TBCK: variants seen among roughly 807,000 people sequenced by gnomAD.
The protein encoded by TBCK is TBC domain-containing protein kinase-like protein.
TBCK carries 99 observed loss-of-function variants against 113.4 expected under a neutral mutation model. The ratio of observed to expected loss-of-function variants is 0.87; its 90% CI spans 0.74 to 1.03. The LOEUF (loss-of-function observed/expected upper bound fraction) is 1.03, where lower values mean the gene tolerates loss of function less well. TBCK is among the 50% of genes least tolerant of loss of function. The pLI is 0.00. For synonymous variants in TBCK, 369 were observed against 370.8 expected (o/e 1.00, Z 0.05); for missense variants, 1,045 against 1,061.3 (o/e 0.98, Z 0.21).
At chr4:106,278,558 CAAAAAA>C (rs376599844) in intron 3 of TBCK, among the ~76,000 whole-genome samples, 1 of 22,136 alleles carries the variant, frequency 4.5e-5, no homozygotes. Flanking sequence ...AACTCTGTCT[CAAAAAA>C]AAAAAAAAAA....
intron 23 of TBCK, among the ~76,000 whole-genome samples, chr4:106,153,024 G>C (rs1748688180): frequency 6.6e-6 from 1 of 151,738 alleles, no homozygotes; most frequent in South Asian, 2.1e-4. Flanking sequence ...CCAACTCTTT[G>C]TTTCATTGAT....
chr4:106,268,995 C>T (rs1385725944), intron 3 of TBCK, among the ~76,000 whole-genome samples: 1 of 152,100 alleles, frequency 6.6e-6, no homozygotes, highest in Non-Finnish European at 1.5e-5. Context: ...TGTCAGCTAA[C>T]CAAGGGAGGA....
intron 3 of TBCK, among the ~76,000 whole-genome samples, chr4:106,278,703 A>G (rs1692977178): frequency 6.6e-6 from 1 of 152,020 alleles, no homozygotes; most frequent in Non-Finnish European, 1.5e-5. Context: ...AATGTATAAT[A>G]TATGTAAAAG....
At chr4:106,195,252 A>G (rs887055614) in intron 20 of TBCK, among the ~76,000 whole-genome samples, 1 of 152,108 alleles carries the variant, frequency 6.6e-6, no homozygotes, top group African/African-American at 2.4e-5. Context: ...ATATAATGAT[A>G]CTATCCACAT....
At chr4:106,163,350 CCA>C (rs1417790068) in intron 23 of TBCK, 1 of 152,226 alleles carries the variant, frequency 6.6e-6, no homozygotes, top group Non-Finnish European at 1.5e-5. Flanking sequence ...CCAAATTTTC[CCA>C]CATTTTCATG....
At chr4:106,316,264 G>A (rs1345784849), upstream of TBCK, 2 of 342,168 alleles carry the variant, frequency 5.8e-6, no homozygotes, top group East Asian at 1.0e-4. Context: ...GCGACCCAAC[G>A]CTGAGGAAAG....
chr4:106,157,212 C>A (rs1174923464), intron 23 of TBCK, among the ~76,000 whole-genome samples: 1 of 152,060 alleles, frequency 6.6e-6, no homozygotes, highest in Non-Finnish European at 1.5e-5. Flanking sequence ...AGCTGGTTTC[C>A]AAGATGTAAG....
intron 24 of TBCK, 46 bp from the exon 25 acceptor site, chr4:106,095,687 G>A (rs920550489): frequency 6.4e-7 from 1 of 1,568,436 alleles, no homozygotes; most frequent in African/African-American, 1.4e-5. Flanking sequence ...GTGCAATCCT[G>A]AGTGTCTGAG....
intron 23 of TBCK, among the ~76,000 whole-genome samples, chr4:106,168,651 G>A (rs373968145): frequency 1.3e-5 from 2 of 151,788 alleles, no homozygotes; most frequent in Non-Finnish European, 2.9e-5. Context: ...AGCAGGACTC[G>A]AAGTTAATAT....
At chr4:106,233,678 A>G in intron 15 of TBCK, 28 bp from the exon 16 acceptor site, 1 of 1,521,178 alleles carries the variant, frequency 6.6e-7, no homozygotes, top group African/African-American at 1.4e-5. Flanking sequence ...AGATATATTA[A>G]TTTATCATAT....
intron 9 of TBCK, 159 bp from the exon 10 acceptor site, chr4:106,247,446 T>C (rs1047325072): frequency 1.7e-6 from 1 of 597,742 alleles, no homozygotes; most frequent in Non-Finnish European, 2.8e-6. Context: ...TACTTTTATA[T>C]TATAATCAAA....
chr4:106,314,393 G>A (rs1235566878), intron 1 of TBCK, among the ~76,000 whole-genome samples: 1 of 152,112 alleles, frequency 6.6e-6, no homozygotes, highest in East Asian at 1.9e-4. Flanking sequence ...GATTGTGAAT[G>A]GTGTGGGCTA....
chr4:106,053,532 C>T (rs149564931), intron 25 of TBCK, among the ~76,000 whole-genome samples: 50 of 151,720 alleles, frequency 3.3e-4, no homozygotes, highest in African/African-American at 1.1e-3. Context: ...ATCTTTTTGA[C>T]TTCGTGCTCC....
rs566766892 is a variant in TBCK at position 106,166,573 on chromosome 4, C to T, written c.2235+4522G>A. On this transcript the variant is annotated intron_variant, in intron 23 of 25. Transcript: ENST00000394708. ...GTGATTCCTGTCAGCCAGGTAGTGA[C>T]CACAGTACCCAATAGGTAATATAAT... 9.2e-5 allele frequency among the ~76,000 whole-genome samples: 14 copies of T among 151,692 alleles called. No homozygotes were observed. In the South Asian group the frequency reaches 2.7e-3, roughly 29 times the overall value.
chr4:106,218,378 T>G (rs1757245763), intron 19 of TBCK, among the ~76,000 whole-genome samples: 1 of 148,698 alleles, frequency 6.7e-6, no homozygotes, highest in South Asian at 2.1e-4. Context: ...TGGGATCTAA[T>G]TAAACTAAAG....
chr4:106,244,296 T>A (rs1760509756), intron 11 of TBCK, among the ~76,000 whole-genome samples: 1 of 152,186 alleles, frequency 6.6e-6, no homozygotes. Flanking sequence ...GTTAACTGTC[T>A]TAAATATTCT....
chr4:106,219,354 A>G (rs1046435656), intron 19 of TBCK, among the ~76,000 whole-genome samples: 9 of 152,018 alleles, frequency 5.9e-5, no homozygotes, highest in Admixed American at 3.9e-4. Context: ...CATGTACCCT[A>G]AAACTTAAAG....
At chr4:106,083,278 A>T (rs1182918972) in intron 25 of TBCK, among the ~76,000 whole-genome samples, 3 of 152,214 alleles carry the variant, frequency 2.0e-5, no homozygotes, top group Non-Finnish European at 2.9e-5. Flanking sequence ...ACTTGGTCCC[A>T]AGACTTGTCC....
In TBCK at chr4:106,193,663, G is replaced by A. The variant is rs550366123; in HGVS notation, c.2005C>T (p.Arg669Trp). 2.0e-5 allele frequency: 32 copies of A among 1,613,324 alleles called. No individual in the cohort carries two copies. The highest frequency in any genetic ancestry group is 2.5e-5 in the Non-Finnish European group (30 of 1,179,646). ...TCATTAAAGCCATTAGCCAAAAGCC[G>A]GTCCCGCAGCTGCTGAAGAATTGCT... Reference protein sequence around the residue: ...GVAILQQLRDRLLANGFNECI... With the variant: ...GVAILQQLRDWLLANGFNECI... Residue 669 changes from arginine to tryptophan, a missense_variant, in exon 22 of 26, where the codon CGG becomes TGG. By Grantham distance (101) the Arg-to-Trp change is moderately radical. Transcript: ENST00000394708.
Sources: gnomAD v4.1 joint callset for allele counts (sites outside exome capture counted in the v4.1 genomes callset) on GRCh38, gnomAD v4.1.1 for gene constraint, MANE v1.5 for transcripts, NCBI Gene and HGNC (gene_info 2026-07-23, HGNC 2026-07-21) for gene names.